The following NRG2 variants were observed in gnomAD, a reference collection of about 807,000 sequenced individuals.
The protein encoded by NRG2 is pro-neuregulin-2, membrane-bound isoform.
A neutral mutation model predicts 73.9 loss-of-function variants in NRG2; 27 were observed. That is an observed-to-expected ratio of 0.37 (90% CI 0.27 to 0.50). The LOEUF (loss-of-function observed/expected upper bound fraction) is 0.50, where lower values mean the gene tolerates loss of function less well. Among genes scored for constraint, NRG2 ranks in the 20% least tolerant of loss-of-function variants. The probability of loss-of-function intolerance (pLI) is 0.96; values close to 1 mark genes in which losing one functional copy is unlikely to be tolerated. For missense variants in NRG2, 1,126 were observed against 1,210.1 expected (o/e 0.93, Z 1.03); for synonymous variants, 532 against 541.0 (o/e 0.98, Z 0.23).
intron 6 of NRG2, among the ~76,000 whole-genome samples, chr5:139,855,172 G>A (rs1471580418): frequency 2.0e-5 from 3 of 152,200 alleles, no homozygotes; most frequent in Non-Finnish European, 4.4e-5. Flanking sequence ...GGGTCAGGCA[G>A]TGCTTTGAGG....
chr5:139,927,075 C>T (rs1752112346), intron 1 of NRG2, among the ~76,000 whole-genome samples: 1 of 152,224 alleles, frequency 6.6e-6, no homozygotes, highest in African/African-American at 2.4e-5. Context: ...TTGTGCCAGC[C>T]ACCCACCCCC....
intron 3 of NRG2, among the ~76,000 whole-genome samples, chr5:139,873,141 T>C (rs1647896038): frequency 6.6e-6 from 1 of 152,180 alleles, no homozygotes. Flanking sequence ...GCTCTGCTTC[T>C]GTATATGTCT....
At chr5:139,903,773 G>A (rs1221017821) in intron 1 of NRG2, among the ~76,000 whole-genome samples, 1 of 152,250 alleles carries the variant, frequency 6.6e-6, no homozygotes, top group Non-Finnish European at 1.5e-5. Context: ...GTTCGCGAGC[G>A]GGGCAGGGCA....
intron 1 of NRG2, among the ~76,000 whole-genome samples, chr5:140,003,975 C>T (rs961804964): frequency 1.3e-5 from 2 of 152,166 alleles, no homozygotes; most frequent in Admixed American, 6.5e-5. Context: ...TATCTCTTGC[C>T]TAGTTGTTTT....
intron 5 of NRG2, among the ~76,000 whole-genome samples, chr5:139,858,137 A>G (rs1404213295): frequency 5.3e-5 from 8 of 152,172 alleles, no homozygotes; most frequent in Non-Finnish European, 1.0e-4. Context: ...AAGCCTTACC[A>G]TGGCCTCTGA....
chr5:139,877,559 C>T (rs1023088024), intron 3 of NRG2, among the ~76,000 whole-genome samples: 3 of 152,236 alleles, frequency 2.0e-5, no homozygotes, highest in Non-Finnish European at 4.4e-5. Flanking sequence ...GGCATCTCTG[C>T]CTGGGAAAAC....
At chr5:139,987,367 CAAAAAAAAAAAAAA>C (rs34895532) in intron 1 of NRG2, among the ~76,000 whole-genome samples, 1 of 33,238 alleles carries the variant, frequency 3.0e-5, no homozygotes, top group Non-Finnish European at 5.7e-5. Context: ...GACTCTGTCT[CAAAAAAAAAAAAAA>C]AAAAAAAAAA....
Position 139,853,131 on chromosome 5 carries a change from T to C in NRG2, c.1293-104A>G. 2.7e-6 allele frequency: 4 copies of C among 1,509,392 alleles called. No individual in the cohort carries two copies. 93.5% of individuals were successfully genotyped at this position (1,509,392 alleles called of 1,614,324 possible). A position where few individuals can be genotyped will look rare whatever the true frequency, so the allele number is the denominator to read the frequency against. ...AAACAGCTTTTCCTCCTGCCCAGGGTGGCCATGGCTACTGCTCGTCCCTGT... is the reference window on the plus strand; with the variant it reads ...AAACAGCTTTTCCTCCTGCCCAGGGCGGCCATGGCTACTGCTCGTCCCTGT... On this transcript the variant is annotated intron_variant, in intron 6 of 9. Transcript: ENST00000361474. The surrounding 1 kb of genome is among the most constrained non-coding windows in gnomAD (Gnocchi z 4.1).
chr5:139,906,400 C>T (rs1018161420), intron 1 of NRG2, among the ~76,000 whole-genome samples: 9 of 152,154 alleles, frequency 5.9e-5, no homozygotes, highest in African/African-American at 2.2e-4. Context: ...AAGCCCTATT[C>T]TACCTGGCCC....
chr5:139,905,788 G>A (rs985207195), intron 1 of NRG2, among the ~76,000 whole-genome samples: 1 of 152,114 alleles, frequency 6.6e-6, no homozygotes, highest in Non-Finnish European at 1.5e-5. Flanking sequence ...GAGGTGGGCA[G>A]CAAGGGGCCC....
rs1481903050 is a variant in NRG2 at position 139,856,006 on chromosome 5, C to T, written c.1190-228G>A. ...CCCATGGATCTGGTCACACACAACT[C>T]CTCCTGAGTTCCCCTCCCCAAGCCC... On this transcript the variant is annotated intron_variant, in intron 5 of 9. Coordinates refer to ENST00000361474, the MANE Select transcript of NRG2 (RefSeq NM_004883.3). The surrounding 1 kb of genome is among the most constrained non-coding windows in gnomAD (Gnocchi z 4.2). 6.6e-6 allele frequency among the ~76,000 whole-genome samples: 1 copy of T among 152,216 alleles called. No individual in the cohort carries two copies. The highest frequency in any genetic ancestry group is 1.5e-5 in the Non-Finnish European group (1 of 68,034).
At chr5:139,862,118 G>A (rs1762183515) in intron 5 of NRG2, among the ~76,000 whole-genome samples, 1 of 152,228 alleles carries the variant, frequency 6.6e-6, no homozygotes, top group South Asian at 2.1e-4. Context: ...AGGCCTGGCT[G>A]GGTATTCCTG....
chr5:139,976,716 C>A (rs2126547439), intron 1 of NRG2, among the ~76,000 whole-genome samples: 1 of 152,356 alleles, frequency 6.6e-6, no homozygotes, highest in African/African-American at 2.4e-5. Context: ...TAAAACACCA[C>A]CAGTTTCCTG....
intron 3 of NRG2, among the ~76,000 whole-genome samples, chr5:139,879,881 C>T (rs1261559897): frequency 6.6e-6 from 1 of 152,124 alleles, no homozygotes; most frequent in East Asian, 1.9e-4. Context: ...CGGGGTGTCC[C>T]TCACCAGGAC....
chr5:139,847,261 T>C lies in NRG2; in HGVS notation c.*656A>G, dbSNP rs1248774329. ...CTGCCACCTCCCTGGGCTCAGGCTC[T>C]TGGGGAAACGTTTCTCTGCCCCCCC... On this transcript the variant is annotated 3_prime_UTR_variant, in exon 10 of 10. Coordinates refer to ENST00000361474, the MANE Select transcript of NRG2 (RefSeq NM_004883.3). 1.3e-5 allele frequency: 2 copies of C among 152,286 alleles called. No homozygotes were observed. The highest frequency in any genetic ancestry group is 2.1e-4 in the South Asian group (1 of 4,830). The allele number at this position is 152,286 out of a possible 1,614,324, so 9.4% of individuals were successfully genotyped here.
intron 2 of NRG2, among the ~76,000 whole-genome samples, chr5:139,883,982 CA>C (rs1322535991): frequency 6.6e-6 from 1 of 152,194 alleles, no homozygotes; most frequent in Non-Finnish European, 1.5e-5. Context: ...TTAACCAGGA[CA>C]GTAACTGGTT....
At chr5:139,927,846 T>C in intron 1 of NRG2, among the ~76,000 whole-genome samples, 1 of 151,758 alleles carries the variant, frequency 6.6e-6, no homozygotes, top group Non-Finnish European at 1.5e-5. Context: ...TCTACCCTTG[T>C]CTCACTTCCA....
chr5:140,028,397 G>C (rs951045309), intron 1 of NRG2, among the ~76,000 whole-genome samples: 4 of 152,054 alleles, frequency 2.6e-5, no homozygotes, highest in Non-Finnish European at 5.9e-5. Context: ...TTTAAAACAG[G>C]CATCTGTAGT....
intron 1 of NRG2, among the ~76,000 whole-genome samples, chr5:139,903,768 C>T (rs1765033954): frequency 6.6e-6 from 1 of 152,230 alleles, no homozygotes; most frequent in Non-Finnish European, 1.5e-5. Context: ...CTGGGGTTCG[C>T]GAGCGGGGCA....
Sources: gnomAD v4.1 joint callset for allele counts (sites outside exome capture counted in the v4.1 genomes callset) on GRCh38, gnomAD v4.1.1 for gene constraint, Gnocchi (gnomAD v3.1) non-coding constraint, MANE v1.5 for transcripts, NCBI Gene and HGNC (gene_info 2026-07-23, HGNC 2026-07-21) for gene names.